C4orf51: variants seen among roughly 807,000 people sequenced by gnomAD.
C4orf51 encodes chromosome 4 open reading frame 51.
In C4orf51, 25 loss-of-function variants were observed where a neutral mutation model predicts 25.2. The observed-to-expected ratio is 0.99, with a 90% confidence interval of 0.72 to 1.39. The LOEUF is 1.39. Ranked by LOEUF, C4orf51 falls within the 40% of genes most tolerant of loss-of-function variation. C4orf51 has a pLI of 0.00. For missense variants in C4orf51, 252 were observed against 239.6 expected, an observed-to-expected ratio of 1.05 and a Z score of -0.34; for synonymous variants, 100 against 84.5, an observed-to-expected ratio of 1.18 and a Z score of -1.01.
chr4:145,766,409 G>A (rs926492585), intron 1 of C4orf51, among the ~76,000 whole-genome samples: 2 of 152,214 alleles, frequency 1.3e-5, no homozygotes, highest in African/African-American at 4.8e-5. Flanking sequence ...ATCACTGGAT[G>A]TTAGGCAATG....
At position 145,761,386 on chromosome 4, in the gene C4orf51, T is replaced by C; in HGVS notation, n.167-9602T>C. ...CTCCCCGGTGTGGACGCGCACGTGC[T>C]CGATGAGCTTGTTGGCGGTCTTGGA... On this transcript the variant is annotated intron_variant and non_coding_transcript_variant, in intron 1 of 1. Coordinates refer to the C4orf51 transcript ENST00000510096. The surrounding 1 kb of genome is among the most constrained non-coding windows in gnomAD (Gnocchi z 6.8). The C allele has an allele frequency of 7.8e-7, 1 of 1,289,904 alleles. No homozygotes were observed. Among genetic ancestry groups the C allele is most frequent in the Non-Finnish European group, 1.0e-6 (1 of 988,876 alleles). 79.9% of individuals were successfully genotyped at this position (1,289,904 alleles called of 1,614,324 possible).
At chr4:145,752,915 A>G (rs1209819851) in intron 1 of C4orf51, among the ~76,000 whole-genome samples, 1 of 152,156 alleles carries the variant, frequency 6.6e-6, no homozygotes, top group Non-Finnish European at 1.5e-5. Flanking sequence ...TTTCCACTGT[A>G]ACAAGGCAGC....
At chr4:145,753,864 C>T (rs1351254437) in intron 1 of C4orf51, among the ~76,000 whole-genome samples, 1 of 152,188 alleles carries the variant, frequency 6.6e-6, no homozygotes, top group Non-Finnish European at 1.5e-5. Context: ...AGAGCTACAT[C>T]CCATCAGAGA....
At chr4:145,704,501 C>T (rs967903546) in intron 2 of C4orf51, among the ~76,000 whole-genome samples, 2 of 152,034 alleles carry the variant, frequency 1.3e-5, no homozygotes, top group Admixed American at 6.6e-5. Flanking sequence ...ATTGTGTATT[C>T]TTGGTGCTTT....
At chr4:145,783,033 T>C in the C4orf51 span, among the ~76,000 whole-genome samples, 1 of 152,040 alleles carries the variant, frequency 6.6e-6, no homozygotes, top group South Asian at 2.1e-4. Context: ...GTTGTACCAC[T>C]TTTCCTATTA....
chr4:145,786,859 T>C, the C4orf51 span, among the ~76,000 whole-genome samples: 1 of 152,212 alleles, frequency 6.6e-6, no homozygotes, highest in Admixed American at 6.5e-5. Context: ...CTTGCCAACA[T>C]CTACCGTTTT....
At chr4:145,733,177 C>G (rs1000394114), downstream of C4orf51, among the ~76,000 whole-genome samples, 5 of 152,120 alleles carry the variant, frequency 3.3e-5, no homozygotes, top group African/African-American at 1.2e-4. Context: ...CCCCTCCCCT[C>G]CCCGGTCCGC....
downstream of C4orf51, among the ~76,000 whole-genome samples, chr4:145,757,102 C>T (rs1734007031): frequency 6.6e-6 from 1 of 152,158 alleles, no homozygotes; most frequent in African/African-American, 2.4e-5. Flanking sequence ...ATTTCTTTCT[C>T]TCTCTGTCTT....
intron 1 of C4orf51, among the ~76,000 whole-genome samples, chr4:145,688,933 T>C (rs576207155): frequency 1.4e-4 from 21 of 152,276 alleles, no homozygotes; most frequent in African/African-American, 4.8e-4. Context: ...GGTCTTGTTC[T>C]ACCAACAACA....
chr4:145,753,552 C>G (rs79200779), intron 1 of C4orf51, among the ~76,000 whole-genome samples: 1 of 152,108 alleles, frequency 6.6e-6, no homozygotes, highest in Admixed American at 6.5e-5. Flanking sequence ...ATGAGTGCAC[C>G]TACTCCTTGT....
chr4:145,747,768 C>T (rs1424819353), intron 1 of C4orf51, among the ~76,000 whole-genome samples: 1 of 142,588 alleles, frequency 7.0e-6, no homozygotes, highest in Non-Finnish European at 1.5e-5. Context: ...TCCTTCCTCT[C>T]TCTTTTCCTT....
intron 2 of C4orf51, among the ~76,000 whole-genome samples, chr4:145,697,898 A>T (rs1430209507): frequency 6.6e-6 from 1 of 152,206 alleles, no homozygotes; most frequent in African/African-American, 2.4e-5. Context: ...TCATATAGTA[A>T]TTCTATTTTT....
intron 2 of C4orf51, among the ~76,000 whole-genome samples, chr4:145,725,057 A>G (rs1243788564): frequency 6.6e-6 from 1 of 151,868 alleles, no homozygotes; most frequent in African/African-American, 2.4e-5. Flanking sequence ...GGGATGAGGA[A>G]TAAAAGACTA....
At chr4:145,753,165 T>C (rs1733774115) in intron 1 of C4orf51, among the ~76,000 whole-genome samples, 1 of 149,000 alleles carries the variant, frequency 6.7e-6, no homozygotes, top group Non-Finnish European at 1.5e-5. Context: ...TGTGTGTGTG[T>C]GTGTGTGTGT....
the C4orf51 span, among the ~76,000 whole-genome samples, chr4:145,783,444 G>A: frequency 6.6e-6 from 1 of 152,154 alleles, no homozygotes; most frequent in Non-Finnish European, 1.5e-5. Flanking sequence ...TTCTATTAGT[G>A]GAAATGTTTG....
intron 1 of C4orf51, among the ~76,000 whole-genome samples, chr4:145,748,705 T>C (rs760415839): frequency 1.3e-5 from 2 of 152,194 alleles, no homozygotes; most frequent in Non-Finnish European, 2.9e-5. Context: ...TCCTCATTAT[T>C]GATTTCTAGT....
At chr4:145,735,501 A>G (rs1440145966), downstream of C4orf51, among the ~76,000 whole-genome samples, 1 of 152,098 alleles carries the variant, frequency 6.6e-6, no homozygotes, top group East Asian at 1.9e-4. Context: ...AGGGGTTGGA[A>G]TTTGGATGAC....
At chr4:145,749,028 G>A (rs1025606257) in intron 1 of C4orf51, among the ~76,000 whole-genome samples, 2 of 141,610 alleles carry the variant, frequency 1.4e-5, no homozygotes, top group African/African-American at 5.1e-5. Context: ...AATAATATTT[G>A]CATTATATAC....
At chr4:145,752,631 G>T (rs564771325) in intron 1 of C4orf51, among the ~76,000 whole-genome samples, 6 of 152,264 alleles carry the variant, frequency 3.9e-5, no homozygotes, top group African/African-American at 1.4e-4. Flanking sequence ...GGTTGGCATG[G>T]GCACTCCCTT....
Sources: allele counts gnomAD v4.1 joint callset (sites outside exome capture counted in the v4.1 genomes callset), GRCh38; gene constraint gnomAD v4.1.1; non-coding constraint Gnocchi (gnomAD v3.1); transcripts MANE v1.5; gene names NCBI Gene and HGNC (gene_info 2026-07-23, HGNC 2026-07-21).